Variants in JAK1 observed in about 807,000 individuals in gnomAD.
JAK1 encodes the protein Janus kinase 1.
In JAK1, 16 loss-of-function variants were observed where a neutral mutation model predicts 136.6. The ratio of observed to expected loss-of-function variants is 0.12; its 90% CI spans 0.08 to 0.18. JAK1 has a LOEUF of 0.18. JAK1 is among the 10% of genes least tolerant of loss of function. The probability of loss-of-function intolerance (pLI) is 1.00; values close to 1 mark genes in which losing one functional copy is unlikely to be tolerated. For synonymous variants in JAK1, 492 were observed against 519.5 expected, an observed-to-expected ratio of 0.95 and a Z score of 0.72; for missense variants, 859 against 1,450.1, an observed-to-expected ratio of 0.59 and a Z score of 6.62.
chr1:64,896,939 G>A (rs776548844), intron 1 of JAK1, among the ~76,000 whole-genome samples: 6 of 152,100 alleles, frequency 3.9e-5, no homozygotes, highest in Non-Finnish European at 7.4e-5. Context: ...TGCAAATAAG[G>A]ATAATCATAA....
intron 1 of JAK1, among the ~76,000 whole-genome samples, chr1:64,957,593 G>A (rs911825832): frequency 1.3e-5 from 2 of 152,144 alleles, no homozygotes; most frequent in Admixed American, 6.5e-5. Context: ...GGCGGATCAC[G>A]AGGTCAGGAG....
intron 1 of JAK1, among the ~76,000 whole-genome samples, chr1:65,052,118 ATTTTTTT>A (rs71056073): frequency 1.5e-3 from 139 of 93,578 alleles, no homozygotes; most frequent in African/African-American, 5.6e-3. Context: ...ACGCCTGGCT[ATTTTTTT>A]TTTTTTTTTT....
chr1:65,055,998 C>G (rs1341315912), intron 1 of JAK1, among the ~76,000 whole-genome samples: 1 of 152,140 alleles, frequency 6.6e-6, no homozygotes, highest in Non-Finnish European at 1.5e-5. Flanking sequence ...AAATCTTCAC[C>G]AAGGCCAATG....
At position 64,833,554 on chromosome 1, in the gene JAK1, T is replaced by G. The variant is rs1333982140; in HGVS notation, c.*1008A>C. 2.1e-5 allele frequency: 5 copies of G among 232,914 alleles called. No homozygotes were observed. Among genetic ancestry groups the G allele is most frequent in the Non-Finnish European group, 3.4e-5 (4 of 117,858 alleles). The allele number at this position is 232,914 out of a possible 1,614,324, so 14.4% of individuals were successfully genotyped here. On this transcript the variant is annotated 3_prime_UTR_variant, in exon 25 of 25. Coordinates refer to ENST00000342505, the MANE Select transcript of JAK1 (RefSeq NM_002227.4). Reference sequence around the variant, plus strand: ...ACTGTCTAGTGGATCCTGAAGTCCATAGTGCCTCTAGCCGGGTCTTTCAAG... The same window carrying G: ...ACTGTCTAGTGGATCCTGAAGTCCAGAGTGCCTCTAGCCGGGTCTTTCAAG...
Position 64,917,834 on chromosome 1 carries a change from A to G in JAK1, c.-77-31493T>C, listed in dbSNP as rs1317238045. 3.3e-5 allele frequency among the ~76,000 whole-genome samples: 5 copies of G among 152,258 alleles called. No individual in the cohort carries two copies. The South Asian group carries it at 8.3e-4, about 25-fold the overall frequency. ...ACAGCTGGGCCCACTGCAGTCTTCT[A>G]GGTACCTCCAACTATGAGAAGCCCT... On this transcript the variant is annotated intron_variant, in intron 1 of 24. Transcript: ENST00000342505.
At chr1:65,028,762 C>T (rs1646999237) in intron 2 of JAK1, among the ~76,000 whole-genome samples, 2 of 152,106 alleles carry the variant, frequency 1.3e-5, no homozygotes, top group South Asian at 4.1e-4. Flanking sequence ...TGATTTAATC[C>T]TCCCAATAGC....
rs1322877411 is a variant in JAK1 at position 64,855,717 on chromosome 1, GA to G, written c.1459-20del. 3 of 1,603,734 alleles carry G rather than the reference GA, an allele frequency of 1.9e-6. No homozygotes were observed. The highest frequency in any genetic ancestry group is 4.5e-5 in the East Asian group (2 of 44,670). ...GCACCTGCTATTCGGGAAATGACCA[GA>G]AATTACATGTTTAAAATGGGGTCAG... is the stretch of plus-strand genomic sequence containing the variant. On this transcript the variant is annotated intron_variant, in intron 10 of 24. Coordinates refer to ENST00000342505, the MANE Select transcript of JAK1 (RefSeq NM_002227.4).
intron 5 of JAK1, among the ~76,000 whole-genome samples, chr1:64,870,588 T>C (rs1657015144): frequency 6.6e-6 from 1 of 152,138 alleles, no homozygotes; most frequent in Admixed American, 6.5e-5. Flanking sequence ...TACAGCCACA[T>C]TCGGTTTTCA....
At chr1:64,967,682 T>C (rs1184829363), upstream of JAK1, among the ~76,000 whole-genome samples, 1 of 152,156 alleles carries the variant, frequency 6.6e-6, no homozygotes, top group African/African-American at 2.4e-5. Flanking sequence ...GCATCCGAAT[T>C]AGACTACTGA....
At chr1:64,938,203 GT>G (rs1220040511) in intron 1 of JAK1, among the ~76,000 whole-genome samples, 3 of 150,964 alleles carry the variant, frequency 2.0e-5, no homozygotes, top group East Asian at 3.9e-4. Context: ...AAAAAAAAAA[GT>G]TTTTTTTAAA....
intron 20 of JAK1, among the ~76,000 whole-genome samples, chr1:64,839,014 C>T (rs947606198): frequency 1.4e-4 from 21 of 150,634 alleles, no homozygotes; most frequent in South Asian, 6.4e-4. Context: ...GGCGTGATGG[C>T]GGGCGCCTGT....
intron 4 of JAK1, among the ~76,000 whole-genome samples, chr1:64,878,576 T>C (rs1468857902): frequency 5.3e-5 from 3 of 56,858 alleles, no homozygotes; most frequent in African/African-American, 9.8e-5. Context: ...TATATATATA[T>C]ATATATATAT....
chr1:64,836,071 T>G (rs1211275687), intron 23 of JAK1, 27 bp downstream of exon 23: 1 of 1,289,634 alleles, frequency 7.8e-7, no homozygotes, highest in East Asian at 2.3e-5. Flanking sequence ...GGTACTGGAT[T>G]CAAATGAAGA....
intron 1 of JAK1, among the ~76,000 whole-genome samples, chr1:64,946,502 C>T (rs1307985810): frequency 2.0e-5 from 3 of 152,178 alleles, no homozygotes; most frequent in Non-Finnish European, 4.4e-5. Context: ...AAATCTTCTA[C>T]GTCAGCCAGC....
chr1:64,852,309 G>C (rs1655653408), intron 11 of JAK1, among the ~76,000 whole-genome samples: 1 of 152,238 alleles, frequency 6.6e-6, no homozygotes, highest in African/African-American at 2.4e-5. Context: ...GATTCACACT[G>C]AAGTCAGAGA....
intron 2 of JAK1, among the ~76,000 whole-genome samples, chr1:65,038,427 G>A (rs180803394): frequency 6.6e-5 from 10 of 151,952 alleles, no homozygotes; most frequent in East Asian, 1.9e-4. Flanking sequence ...TGGAACTCCC[G>A]ACCTCAGGTG....
intron 4 of JAK1, among the ~76,000 whole-genome samples, chr1:64,878,249 T>A (rs917202401): frequency 6.6e-6 from 1 of 152,234 alleles, no homozygotes; most frequent in Non-Finnish European, 1.5e-5. Flanking sequence ...AACTAACATA[T>A]TTTCCATTCT....
At chr1:64,886,983 A>G (rs1157163687) in intron 1 of JAK1, among the ~76,000 whole-genome samples, 1 of 152,194 alleles carries the variant, frequency 6.6e-6, no homozygotes, top group African/African-American at 2.4e-5. Context: ...CAGTTTTAGG[A>G]AGAGCATAGT....
intron 2 of JAK1, among the ~76,000 whole-genome samples, chr1:64,975,464 T>A (rs1400809170): frequency 6.6e-6 from 1 of 152,192 alleles, no homozygotes; most frequent in Non-Finnish European, 1.5e-5. Flanking sequence ...TCTGCATGCA[T>A]GCTCAGGGAG....
Sources: gnomAD v4.1 joint callset for allele counts (sites outside exome capture counted in the v4.1 genomes callset) on GRCh38, gnomAD v4.1.1 for gene constraint, MANE v1.5 for transcripts, NCBI Gene and HGNC (gene_info 2026-07-23, HGNC 2026-07-21) for gene names.